The following PHACTR4 variants were observed in gnomAD, a reference collection of about 807,000 sequenced individuals.
PHACTR4 encodes phosphatase and actin regulator 4.
Under a neutral mutation model 72.7 loss-of-function variants are expected in PHACTR4, and 51 were observed. That is an observed-to-expected ratio of 0.70 (90% confidence interval 0.56 to 0.89). The LOEUF (loss-of-function observed/expected upper bound fraction) is 0.89, where lower values mean the gene tolerates loss of function less well. Among genes scored for constraint, PHACTR4 ranks in the 40% least tolerant of loss-of-function variants. PHACTR4 has a pLI of 0.00. For missense variants in PHACTR4, 731 were observed against 861.8 expected, an observed-to-expected ratio of 0.85 and a Z score of 1.90; for synonymous variants, 255 against 302.5, an observed-to-expected ratio of 0.84 and a Z score of 1.63.
chr1:28,438,495 T>C, intron 2 of PHACTR4: 1 of 1,566,300 alleles, frequency 6.4e-7, no homozygotes, highest in Non-Finnish European at 8.8e-7. Flanking sequence ...ACAGGTGAAC[T>C]TGAGTATTTA....
At chr1:28,385,383 A>T (rs1253090634) in intron 1 of PHACTR4, among the ~76,000 whole-genome samples, 1 of 151,796 alleles carries the variant, frequency 6.6e-6, no homozygotes, top group Middle Eastern at 3.2e-3. Context: ...ATCTCTACTA[A>T]AAATTCAAAA....
intron 2 of PHACTR4, among the ~76,000 whole-genome samples, chr1:28,410,402 T>C (rs1295586778): frequency 6.6e-6 from 1 of 152,164 alleles, no homozygotes; most frequent in Non-Finnish European, 1.5e-5. Flanking sequence ...ACATGACAAC[T>C]CCGTAGGTTT....
intron 1 of PHACTR4, among the ~76,000 whole-genome samples, chr1:28,396,964 A>T (rs1020363090): frequency 1.3e-5 from 2 of 149,440 alleles, no homozygotes; most frequent in Non-Finnish European, 2.9e-5. Flanking sequence ...AAGTGCTGGG[A>T]TTGCAGGTGT....
At chr1:28,425,373 T>C (rs1268367299) in intron 2 of PHACTR4, among the ~76,000 whole-genome samples, 4 of 152,206 alleles carry the variant, frequency 2.6e-5, no homozygotes, top group Non-Finnish European at 5.9e-5. Context: ...TGCCTTGGCC[T>C]CCCAAAGTGC....
intron 2 of PHACTR4, among the ~76,000 whole-genome samples, chr1:28,428,509 T>A (rs1656015664): frequency 6.6e-6 from 1 of 152,184 alleles, no homozygotes. Context: ...TTTCTTTGAG[T>A]GTGATCTTTC....
In PHACTR4 at chr1:28,497,280, CGGTG is replaced by C. The variant is rs1390365298; in HGVS notation, c.*733_*736del. 2 of 151,992 alleles carry C rather than the reference CGGTG, an allele frequency of 1.3e-5. No homozygotes were observed. The highest frequency in any genetic ancestry group is 2.9e-5 in the Non-Finnish European group (2 of 68,008). 9.4% of individuals were successfully genotyped at this position (151,992 alleles called of 1,614,324 possible). A position where few individuals can be genotyped will look rare whatever the true frequency, so the allele number is the denominator to read the frequency against. Reference sequence around the variant, plus strand: ...CAAATTGGTTAGATGAGGCCAGGCGCGGTGGCTCACGCCTGTAATCCCAGCACTT... The same window carrying C: ...CAAATTGGTTAGATGAGGCCAGGCGCGCTCACGCCTGTAATCCCAGCACTT... On this transcript the variant is annotated 3_prime_UTR_variant, in exon 14 of 14. Transcript: ENST00000373839.
Position 28,491,706 on chromosome 1 carries a change from T to A in PHACTR4, c.1935T>A (p.Asn645Lys), listed in dbSNP as rs1308752442. Residue 645 changes from asparagine (N) to lysine (K), a missense_variant, in exon 12 of 14, where the codon AAT (asparagine) becomes AAA (lysine). Physicochemically the swap from Asn to Lys is moderately conservative, Grantham distance 94. Around this residue, in one of 2 missense-constraint regions of PHACTR4, gnomAD observed 110 missense variants for 185.2 expected, o/e 0.59. Transcript: ENST00000373839. Reference protein sequence around the residue: ...ELLARKILRFNEYVEVTDAQD... With the variant: ...ELLARKILRFKEYVEVTDAQD... ...TTGCCAGGAAGATTCTGAGGTTTAA[T>A]GAATATGTAGAGGTAACAGATGCTC... The A allele has an allele frequency of 3.1e-6, 5 of 1,614,124 alleles. No homozygotes were observed. Among genetic ancestry groups the A allele is most frequent in the Non-Finnish European group, 4.2e-6 (5 of 1,180,014 alleles).
chr1:28,472,648 CTG>C (rs1659634098), intron 6 of PHACTR4, among the ~76,000 whole-genome samples: 2 of 151,888 alleles, frequency 1.3e-5, no homozygotes, highest in Middle Eastern at 6.8e-3. Context: ...GCTGTCCAGC[CTG>C]GAGTGCAGTG....
In PHACTR4 at chr1:28,374,132, G is replaced by A. The variant is rs575044028; in HGVS notation, c.-39+4307G>A. Among the ~76,000 whole-genome samples the A allele has an allele frequency of 3.9e-5, 6 of 152,258 alleles. No individual in the cohort carries two copies. The East Asian group carries it at 1.2e-3, about 29-fold the overall frequency. On this transcript the variant is annotated intron_variant, in intron 1 of 13. Transcript: ENST00000373839. ...CCATTACTTTGTCTTCTCATATGCT[G>A]TGATTACCTTGTGCCTAGGCAGAAT... is the stretch of plus-strand genomic sequence containing the variant.
At chr1:28,471,298 G>A (rs868652106) in intron 6 of PHACTR4, among the ~76,000 whole-genome samples, 6 of 151,882 alleles carry the variant, frequency 4.0e-5, no homozygotes, top group Non-Finnish European at 7.4e-5. Context: ...GCAGTTAGCC[G>A]AGATGGCGCC....
At chr1:28,464,701 G>A (rs1178773342) in intron 4 of PHACTR4, among the ~76,000 whole-genome samples, 1 of 151,932 alleles carries the variant, frequency 6.6e-6, no homozygotes, top group African/African-American at 2.4e-5. Context: ...CTATTCGTTT[G>A]TCTTTTTTTT....
At chr1:28,373,954 C>T (rs1329013254) in intron 1 of PHACTR4, among the ~76,000 whole-genome samples, 1 of 152,184 alleles carries the variant, frequency 6.6e-6, no homozygotes, top group Non-Finnish European at 1.5e-5. Context: ...AGCTACTAAT[C>T]TTAGCAGCAC....
chr1:28,447,413 A>G (rs1346378339), intron 2 of PHACTR4, among the ~76,000 whole-genome samples: 1 of 145,836 alleles, frequency 6.9e-6, no homozygotes, highest in Non-Finnish European at 1.5e-5. Flanking sequence ...TTTTTTTGAG[A>G]CAGTCTCACT....
At chr1:28,426,977 T>C (rs1655908108) in intron 2 of PHACTR4, among the ~76,000 whole-genome samples, 2 of 152,248 alleles carry the variant, frequency 1.3e-5, no homozygotes, top group Non-Finnish European at 2.9e-5. Context: ...AGCTAGCTAC[T>C]GAGCACCTAA....
rs1316675946 is a variant in PHACTR4, at chr1:28,491,695, C to T, written c.1924C>T (p.Leu642=). The T allele has an allele frequency of 6.2e-7, 1 of 1,614,116 alleles. No homozygotes were observed. Among genetic ancestry groups the T allele is most frequent in the South Asian group, 1.1e-5 (1 of 91,082 alleles). ...CGCTGAACTCCTTGCCAGGAAGATTCTGAGGTTTAATGAATATGTAGAGGT... is the reference window on the plus strand; with the variant it reads ...CGCTGAACTCCTTGCCAGGAAGATTTTGAGGTTTAATGAATATGTAGAGGT... ...TVAELLARKI[L]RFNEYVEVTD... is the part of the protein sequence containing the mutation. The change falls in exon 12 of 14, where the codon CTG becomes TTG. Residue 642 remains leucine (L), a synonymous_variant. Transcript: ENST00000373839.
chr1:28,389,305 C>T (rs1652813630), intron 1 of PHACTR4, among the ~76,000 whole-genome samples: 1 of 151,924 alleles, frequency 6.6e-6, no homozygotes, highest in South Asian at 2.1e-4. Context: ...TGAGATATTA[C>T]CTCACACCGT....
chr1:28,375,915 C>G (rs889441754), intron 1 of PHACTR4, among the ~76,000 whole-genome samples: 2 of 151,918 alleles, frequency 1.3e-5, no homozygotes, highest in African/African-American at 4.8e-5. Flanking sequence ...ACTAAAAATA[C>G]AAAATTAGCC....
chr1:28,444,214 CTTTTTTTTTTTTTTTT>C (rs746642128), intron 2 of PHACTR4, among the ~76,000 whole-genome samples: 2 of 41,088 alleles, frequency 4.9e-5, no homozygotes, highest in African/African-American at 9.5e-5. Context: ...ATATATTTGG[CTTTTTTTTTTTTTTTT>C]TTTTTTTTTT....
intron 2 of PHACTR4, among the ~76,000 whole-genome samples, chr1:28,438,602 T>C (rs1405506783): frequency 1.3e-5 from 2 of 152,226 alleles, no homozygotes; most frequent in Non-Finnish European, 2.9e-5. Context: ...CGAGAAACTT[T>C]AAAAAATTAA....
Sources: gnomAD v4.1 joint callset for allele counts (sites outside exome capture counted in the v4.1 genomes callset) on GRCh38, gnomAD v4.1.1 for gene constraint, gnomAD v4.1.1 regional missense constraint, MANE v1.5 for transcripts, NCBI Gene and HGNC (gene_info 2026-07-23, HGNC 2026-07-21) for gene names.